The following NEGR1 variants were observed in gnomAD, a reference collection of about 807,000 sequenced individuals.
The protein encoded by NEGR1 is neuronal growth regulator 1.
In NEGR1, 10 loss-of-function variants were observed where a neutral mutation model predicts 40.9. That is an observed-to-expected ratio of 0.24 (90% CI 0.15 to 0.42). NEGR1 has a LOEUF of 0.42. Ranked by LOEUF, NEGR1 falls within the 10% of genes least tolerant of loss-of-function variation. The probability of loss-of-function intolerance (pLI) is 1.00; values close to 1 mark genes in which losing one functional copy is unlikely to be tolerated. For missense variants in NEGR1, 352 were observed against 438.9 expected (o/e 0.80, Z 1.77); for synonymous variants, 185 against 166.8 (o/e 1.11, Z -0.84).
chr1:71,763,354 G>T (rs570390522), intron 3 of NEGR1, among the ~76,000 whole-genome samples: 11 of 152,200 alleles, frequency 7.2e-5, no homozygotes, highest in African/African-American at 2.4e-4. Context: ...AAGGGACAGG[G>T]GACTCCTTGT....
At chr1:71,538,420 T>G (rs753568454) in intron 6 of NEGR1, among the ~76,000 whole-genome samples, 1 of 151,736 alleles carries the variant, frequency 6.6e-6, no homozygotes, top group Non-Finnish European at 1.5e-5. Context: ...TGTTGAGAGA[T>G]AACATGATTG....
intron 2 of NEGR1, among the ~76,000 whole-genome samples, chr1:71,912,819 T>A (rs1230886338): frequency 6.6e-6 from 1 of 152,188 alleles, no homozygotes; most frequent in Non-Finnish European, 1.5e-5. Context: ...TGTGTGTATA[T>A]ATATATAGTA....
At chr1:71,697,965 T>C in intron 4 of NEGR1, 43 bp downstream of exon 4, 6 of 1,570,144 alleles carry the variant, frequency 3.8e-6, no homozygotes, top group Non-Finnish European at 5.2e-6. Context: ...AGGTGTTTTA[T>C]CTTTTCTCAG....
chr1:71,445,154 C>A (rs1646572475), intron 6 of NEGR1, among the ~76,000 whole-genome samples: 1 of 152,000 alleles, frequency 6.6e-6, no homozygotes, highest in Admixed American at 6.6e-5. Flanking sequence ...TTAGGGTTAC[C>A]CAACAAGGGT....
intron 1 of NEGR1, among the ~76,000 whole-genome samples, chr1:72,172,252 G>A (rs1452294471): frequency 1.3e-5 from 2 of 151,922 alleles, no homozygotes; most frequent in African/African-American, 4.8e-5. Context: ...ATTTCTACTA[G>A]TTCCTTTTCT....
At chr1:72,119,376 T>C (rs1347983005) in intron 1 of NEGR1, among the ~76,000 whole-genome samples, 1 of 152,034 alleles carries the variant, frequency 6.6e-6, no homozygotes, top group East Asian at 1.9e-4. Flanking sequence ...TTGAGTAGTA[T>C]ATGGTCTGTA....
At chr1:71,858,936 A>G (rs1659862330) in intron 2 of NEGR1, among the ~76,000 whole-genome samples, 1 of 151,978 alleles carries the variant, frequency 6.6e-6, no homozygotes, top group African/African-American at 2.4e-5. Flanking sequence ...AGTCCCCATT[A>G]TCTCATGCCT....
intron 6 of NEGR1, among the ~76,000 whole-genome samples, chr1:71,569,423 AAG>A (rs1189633664): frequency 6.6e-6 from 1 of 152,124 alleles, no homozygotes; most frequent in East Asian, 1.9e-4. Flanking sequence ...TTGAGCTTAG[AAG>A]AGAGAAAAAA....
At chr1:71,483,451 G>C (rs1173819235) in intron 6 of NEGR1, among the ~76,000 whole-genome samples, 1 of 151,748 alleles carries the variant, frequency 6.6e-6, no homozygotes, top group East Asian at 1.9e-4. Context: ...ATTCATAATA[G>C]AGATGATGGT....
At chr1:71,851,824 C>T (rs1659612484) in intron 2 of NEGR1, among the ~76,000 whole-genome samples, 1 of 151,890 alleles carries the variant, frequency 6.6e-6, no homozygotes, top group South Asian at 2.1e-4. Context: ...TATATTTAAA[C>T]CGTGGATTTA....
At chr1:71,415,128 G>GTT (rs368030747) in intron 6 of NEGR1, among the ~76,000 whole-genome samples, 2 of 146,692 alleles carry the variant, frequency 1.4e-5, no homozygotes, top group African/African-American at 5.0e-5. Context: ...AACATTTTGG[G>GTT]TTTTTTTTTT....
chr1:72,242,668 T>G (rs1551755), intron 1 of NEGR1, among the ~76,000 whole-genome samples: 5,496 of 151,778 alleles, frequency 0.036, 326 homozygotes, highest in African/African-American at 0.13. Flanking sequence ...TATCAGGCAC[T>G]TATGTGCCAG....
intron 2 of NEGR1, among the ~76,000 whole-genome samples, chr1:71,931,996 A>T (rs914886007): frequency 1.3e-5 from 2 of 152,146 alleles, no homozygotes; most frequent in Non-Finnish European, 2.9e-5. Flanking sequence ...AATGAAAAAA[A>T]TTATTTTATT....
chr1:71,482,727 A>G (rs1214492427), intron 6 of NEGR1, among the ~76,000 whole-genome samples: 6 of 151,850 alleles, frequency 4.0e-5, no homozygotes, highest in African/African-American at 1.4e-4. Flanking sequence ...GTTTATCTCA[A>G]TGCCTGAGTC....
At chr1:71,758,179 T>A (rs115733287) in intron 3 of NEGR1, among the ~76,000 whole-genome samples, 2 of 152,086 alleles carry the variant, frequency 1.3e-5, no homozygotes, top group Admixed American at 6.5e-5. Context: ...TTAAGCTCTA[T>A]ATAATATTGC....
At chr1:71,601,064 C>T (rs919167351) in intron 5 of NEGR1, among the ~76,000 whole-genome samples, 5 of 152,108 alleles carry the variant, frequency 3.3e-5, no homozygotes, top group South Asian at 2.1e-4. Flanking sequence ...CAATTAGTCA[C>T]GGAAATAAGC....
chr1:71,897,348 T>C (rs1661002075), intron 2 of NEGR1, among the ~76,000 whole-genome samples: 1 of 152,150 alleles, frequency 6.6e-6, no homozygotes, highest in South Asian at 2.1e-4. Flanking sequence ...GGATTTAGAA[T>C]CTAAGGATAG....
intron 1 of NEGR1, among the ~76,000 whole-genome samples, chr1:72,016,072 T>G (rs1450613199): frequency 6.6e-6 from 1 of 152,220 alleles, no homozygotes; most frequent in East Asian, 1.9e-4. Context: ...AGTCTCACAT[T>G]TTTGCATTTA....
intron 6 of NEGR1, among the ~76,000 whole-genome samples, chr1:71,448,694 C>A (rs139058622): frequency 6.6e-6 from 1 of 152,166 alleles, no homozygotes; most frequent in African/African-American, 2.4e-5. Flanking sequence ...ACAAAGTCTC[C>A]CAATAGACTC....
Sources: gnomAD v4.1 joint callset for allele counts (sites outside exome capture counted in the v4.1 genomes callset) on GRCh38, gnomAD v4.1.1 for gene constraint, MANE v1.5 for transcripts, NCBI Gene and HGNC (gene_info 2026-07-23, HGNC 2026-07-21) for gene names.